HLCS: variants seen among roughly 807,000 people sequenced by gnomAD.
HLCS encodes the protein holocarboxylase synthetase.
A neutral mutation model predicts 75.0 loss-of-function variants in HLCS; 53 were observed. That is an observed-to-expected ratio of 0.71 (90% CI 0.57 to 0.89). HLCS has a LOEUF of 0.89. HLCS is among the 40% of genes least tolerant of loss of function. HLCS has a pLI of 0.00. For missense variants in HLCS, 966 were observed against 1,074.0 expected, an observed-to-expected ratio of 0.90 and a Z score of 1.41; for synonymous variants, 431 against 428.6, an observed-to-expected ratio of 1.01 and a Z score of -0.07.
intron 9 of HLCS, among the ~76,000 whole-genome samples, chr21:36,758,434 C>T (rs1042778240): frequency 6.6e-6 from 1 of 152,060 alleles, no homozygotes; most frequent in Non-Finnish European, 1.5e-5. Flanking sequence ...ATTTTTGAAA[C>T]AGGGTCTCAC....
intron 6 of HLCS, among the ~76,000 whole-genome samples, chr21:36,852,834 C>T (rs2063060162): frequency 6.6e-6 from 1 of 152,166 alleles, no homozygotes; most frequent in South Asian, 2.1e-4. Context: ...CTGAGGACAT[C>T]ACTTCCTCAT....
chr21:36,757,676 G>A (rs1393027219), intron 9 of HLCS, among the ~76,000 whole-genome samples: 1 of 152,196 alleles, frequency 6.6e-6, no homozygotes, highest in East Asian at 1.9e-4. Flanking sequence ...CCAGTGTGAA[G>A]GGAAGGATTG....
At chr21:36,985,391 G>A (rs1300239048) in intron 1 of HLCS, among the ~76,000 whole-genome samples, 1 of 152,228 alleles carries the variant, frequency 6.6e-6, no homozygotes, top group South Asian at 2.1e-4. Flanking sequence ...CCAGCACTTT[G>A]GGAGGCCAAG....
intron 2 of HLCS, among the ~76,000 whole-genome samples, chr21:36,961,344 C>T (rs1480531006): frequency 6.6e-6 from 1 of 152,094 alleles, no homozygotes; most frequent in Non-Finnish European, 1.5e-5. Flanking sequence ...AAATACAAGC[C>T]ACACACGTGG....
At chr21:36,909,122 C>T (rs940589272) in intron 5 of HLCS, among the ~76,000 whole-genome samples, 3 of 151,948 alleles carry the variant, frequency 2.0e-5, no homozygotes, top group African/African-American at 7.3e-5. Context: ...GCATGAACCT[C>T]GGAAGCGGAG....
At position 36,862,833 on chromosome 21, in the gene HLCS, A is replaced by C. The variant is rs542917191; in HGVS notation, c.1892+34027T>G. Among the ~76,000 whole-genome samples, 7 of 152,266 alleles carry C rather than the reference A, an allele frequency of 4.6e-5. No homozygotes were observed. In the South Asian group the frequency reaches 1.5e-3, roughly 32 times the overall value. The stretch of plus-strand genomic sequence containing the variant: ...AAAGGCCTGGAGACTCACCAAAAGG[A>C]AGGAATTCAGCAATGGCAGAAGTGA... On this transcript the variant is annotated intron_variant, in intron 6 of 10. Transcript: ENST00000674895.
At chr21:36,780,933 AC>A (rs1248821353) in intron 6 of HLCS, among the ~76,000 whole-genome samples, 5 of 66,368 alleles carry the variant, frequency 7.5e-5, no homozygotes, top group Non-Finnish European at 1.6e-4. Flanking sequence ...GCTCTGCCCC[AC>A]CCCCCCACCC....
At chr21:36,913,770 A>AG (rs2065818326) in intron 5 of HLCS, among the ~76,000 whole-genome samples, 1 of 152,202 alleles carries the variant, frequency 6.6e-6, no homozygotes. Flanking sequence ...TTAAAAAAAA[A>AG]GAAACTTGAA....
At chr21:36,908,930 C>T (rs1601705731) in intron 5 of HLCS, among the ~76,000 whole-genome samples, 1 of 152,300 alleles carries the variant, frequency 6.6e-6, no homozygotes, top group East Asian at 1.9e-4. Flanking sequence ...GGCAGTGGCT[C>T]ACGCCTGTAA....
chr21:36,907,198 T>C (rs768872359), intron 5 of HLCS, among the ~76,000 whole-genome samples: 2 of 152,202 alleles, frequency 1.3e-5, no homozygotes, highest in Non-Finnish European at 2.9e-5. Flanking sequence ...GACCTAAATG[T>C]AAAACTACAA....
chr21:36,840,792 T>C (rs1379214693), intron 6 of HLCS, among the ~76,000 whole-genome samples: 1 of 152,102 alleles, frequency 6.6e-6, no homozygotes, highest in Non-Finnish European at 1.5e-5. Context: ...TTTATATTTT[T>C]AGTAGAGATG....
At chr21:36,929,582 C>A (rs1458289808) in intron 5 of HLCS, among the ~76,000 whole-genome samples, 1 of 152,214 alleles carries the variant, frequency 6.6e-6, no homozygotes, top group African/African-American at 2.4e-5. Context: ...GCAGAAACTA[C>A]ATGGTTATGT....
At chr21:36,851,547 G>A (rs569792699) in intron 6 of HLCS, among the ~76,000 whole-genome samples, 3 of 152,292 alleles carry the variant, frequency 2.0e-5, no homozygotes, top group South Asian at 2.1e-4. Context: ...AGGGAGGTAG[G>A]TGGGGATGGT....
intron 8 of HLCS, among the ~76,000 whole-genome samples, chr21:36,761,761 C>T (rs1473671067): frequency 1.3e-5 from 2 of 152,210 alleles, no homozygotes; most frequent in Non-Finnish European, 2.9e-5. Flanking sequence ...TCACTGCCCC[C>T]AGTTCCCTTT....
intron 6 of HLCS, among the ~76,000 whole-genome samples, chr21:36,892,462 G>A (rs556962065): frequency 3.4e-4 from 52 of 152,320 alleles, no homozygotes; most frequent in Non-Finnish European, 2.9e-5. Flanking sequence ...CAGAGAGCTC[G>A]TCTGTTTCAG....
At chr21:36,829,047 C>T (rs757579407) in intron 6 of HLCS, among the ~76,000 whole-genome samples, 3 of 152,200 alleles carry the variant, frequency 2.0e-5, no homozygotes, top group Admixed American at 6.5e-5. Context: ...CTGGTTCCAA[C>T]GGCCCCTTAC....
intron 5 of HLCS, among the ~76,000 whole-genome samples, chr21:36,913,107 A>C (rs1210912239): frequency 2.0e-5 from 3 of 152,150 alleles, no homozygotes; most frequent in African/African-American, 7.2e-5. Flanking sequence ...CCTCTGCATC[A>C]TTAGCACCGT....
intron 6 of HLCS, among the ~76,000 whole-genome samples, chr21:36,875,076 A>G (rs1453005128): frequency 6.6e-6 from 1 of 152,182 alleles, no homozygotes; most frequent in African/African-American, 2.4e-5. Context: ...TTGGTCACCA[A>G]TGAACGCAGG....
chr21:36,922,608 C>G (rs2066220518), intron 5 of HLCS, among the ~76,000 whole-genome samples: 1 of 152,208 alleles, frequency 6.6e-6, no homozygotes. Context: ...GACCGACAGA[C>G]GGACTAACCT....
Sources: gnomAD v4.1 joint callset for allele counts (sites outside exome capture counted in the v4.1 genomes callset) on GRCh38, gnomAD v4.1.1 for gene constraint, MANE v1.5 for transcripts, NCBI Gene and HGNC (gene_info 2026-07-23, HGNC 2026-07-21) for gene names.